The following BMP1 variants were observed in gnomAD, a reference collection of about 807,000 sequenced individuals.
The protein encoded by BMP1 is mammalian tolloid protein.
In BMP1, 63 loss-of-function variants were observed where a neutral mutation model predicts 116.8. That is an observed-to-expected ratio of 0.54 (90% CI 0.44 to 0.67). The LOEUF (loss-of-function observed/expected upper bound fraction) is 0.67. Ranked by LOEUF, BMP1 falls within the 30% of genes least tolerant of loss-of-function variation. The pLI is 0.00. For synonymous variants in BMP1, 536 were observed against 533.4 expected, an observed-to-expected ratio of 1.00 and a Z score of -0.07; for missense variants, 1,183 against 1,358.9, an observed-to-expected ratio of 0.87 and a Z score of 2.04.
Position 22,179,216 on chromosome 8 carries a change from G to A in BMP1, c.837-489G>A, listed in dbSNP as rs1828542001. Among the ~76,000 whole-genome samples the A allele has an allele frequency of 6.6e-6, 1 of 152,272 alleles. No homozygotes were observed. Among genetic ancestry groups the A allele is most frequent in the Admixed American group, 6.5e-5 (1 of 15,292 alleles). On this transcript the variant is annotated intron_variant, in intron 6 of 19. Coordinates refer to ENST00000306385, the MANE Select transcript of BMP1 (RefSeq NM_006129.5). This position sits in a 1 kb window ranked among gnomAD's most constrained non-coding sequence, Gnocchi z 4.6. Reference sequence around the variant, plus strand: ...GCTTGGTCTGGCTGCAGTGGAATCTGCCTTTGGCCTTGTTCCAGGTGCTTT... The same window carrying A: ...GCTTGGTCTGGCTGCAGTGGAATCTACCTTTGGCCTTGTTCCAGGTGCTTT...
At chr8:22,168,658 G>A (rs1478515050) in intron 1 of BMP1, among the ~76,000 whole-genome samples, 2 of 152,192 alleles carry the variant, frequency 1.3e-5, no homozygotes, top group African/African-American at 4.8e-5. Flanking sequence ...GAGAGCCATA[G>A]AGGATTAGGG....
intron 15 of BMP1, among the ~76,000 whole-genome samples, chr8:22,199,816 C>T (rs940580062): frequency 6.6e-6 from 1 of 152,112 alleles, no homozygotes; most frequent in African/African-American, 2.4e-5. Context: ...TCGATCAGGC[C>T]CCCTCTGATG....
Position 22,209,462 on chromosome 8 carries a change from C to T in BMP1, c.2593C>T (p.Arg865Trp), listed in dbSNP as rs749954119. ...SHATECGGQV[R>W]ADVKTKDLYS... ...CCCTACAGAGTGCGGGGGCCAGGTA[C>T]GGGCAGACGTGAAGACCAAGGACCT... Residue 865 changes from arginine (R) to tryptophan (W), a missense_variant, in exon 19 of 20, where the codon CGG becomes TGG. This residue lies in a region of BMP1 where 956 missense variants were observed against 1,135.2 expected (regional missense o/e 0.84). Coordinates refer to ENST00000306385, the MANE Select transcript of BMP1 (RefSeq NM_006129.5). 182 of 1,614,008 alleles carry T rather than the reference C, an allele frequency of 1.1e-4. 1 individual carries two copies. Among genetic ancestry groups the T allele is most frequent in the Middle Eastern group, 8.2e-4 (5 of 6,082 alleles).
chr8:22,172,261 C>G (rs1586435185), intron 1 of BMP1, among the ~76,000 whole-genome samples: 1 of 152,198 alleles, frequency 6.6e-6, no homozygotes, highest in South Asian at 2.1e-4. Context: ...CCCACTTCCC[C>G]CAGCCCAGCC....
Position 22,176,236 on chromosome 8 carries a change from G to T in BMP1, c.356G>T (p.Arg119Leu), listed in dbSNP as rs972285384. 6.2e-7 allele frequency: 1 copy of T among 1,613,904 alleles called. No homozygotes were observed. The highest frequency in any genetic ancestry group is 8.5e-7 in the Non-Finnish European group (1 of 1,179,932). ...CGRWRGRSRSRRAATSRPERV... is the reference protein window; with the variant it reads ...CGRWRGRSRSLRAATSRPERV... ...AGATGGAGAGGTAGATCCCGTAGCC[G>T]GCGGGCGGCGACGTCCCGACCAGAG... The change falls in exon 3 of 20, where the codon CGG (arginine) becomes CTG (leucine). Residue 119 changes from arginine (R) to leucine (L), a missense_variant. Arg to Leu is a moderately radical substitution (Grantham distance 102). Around this residue, in one of 4 missense-constraint regions of BMP1, gnomAD observed 185 missense variants for 158.9 expected, o/e 1.16. Transcript: ENST00000306385.
chr8:22,195,002 T>C (rs536347380), intron 12 of BMP1, 83 bp downstream of exon 12: 2 of 1,411,676 alleles, frequency 1.4e-6, no homozygotes, highest in South Asian at 2.7e-5. Flanking sequence ...ACACGGAGAC[T>C]CCAGGAGGCA....
At chr8:22,166,431 AGCCCAGAAGGGTCCT>A (rs1265687747) in intron 1 of BMP1, among the ~76,000 whole-genome samples, 1 of 152,110 alleles carries the variant, frequency 6.6e-6, no homozygotes, top group Non-Finnish European at 1.5e-5. Context: ...ACTCCTGCTG[AGCCCAGAAGGGTCCT>A]GCCCCTGGAG....
intron 19 of BMP1, 121 bp from the exon 20 acceptor site, chr8:22,211,473 C>T (rs531223654): frequency 1.8e-5 from 25 of 1,374,196 alleles, no homozygotes; most frequent in African/African-American, 5.7e-5. Context: ...CTTCAAGGGG[C>T]GGGGAGAATC....
chr8:22,170,959 C>G (rs143401381), intron 1 of BMP1: 38 of 152,292 alleles, frequency 2.5e-4, no homozygotes, highest in African/African-American at 9.1e-4. Context: ...TAACACAAGC[C>G]TAAGTGTGGA....
chr8:22,197,490 C>T (rs1341993618), intron 15 of BMP1, 70 bp downstream of exon 15: 17 of 1,523,990 alleles, frequency 1.1e-5, no homozygotes, highest in Non-Finnish European at 4.5e-6. Context: ...CTCCCTGCCC[C>T]TGCACCCCTG....
intron 1 of BMP1, among the ~76,000 whole-genome samples, chr8:22,166,834 T>C (rs1023920356): frequency 3.9e-5 from 6 of 152,206 alleles, no homozygotes; most frequent in Non-Finnish European, 8.8e-5. Flanking sequence ...GCTGTCATTT[T>C]TCTCGCTGGG....
chr8:22,203,268 A>G (rs34561718), intron 16 of BMP1, among the ~76,000 whole-genome samples: 18,640 of 152,092 alleles, frequency 0.12, 1,535 homozygotes, highest in African/African-American at 0.21. Flanking sequence ...ACGATAAAAA[A>G]TGATAGGCCA....
intron 16 of BMP1, among the ~76,000 whole-genome samples, chr8:22,203,924 A>AG (rs997273606): frequency 3.9e-5 from 6 of 152,358 alleles, no homozygotes; most frequent in African/African-American, 1.4e-4. Context: ...TAGCCAGGAC[A>AG]GGGGTGAAGC....
chr8:22,198,000 C>T (rs1404186298), intron 15 of BMP1, among the ~76,000 whole-genome samples: 1 of 152,022 alleles, frequency 6.6e-6, no homozygotes, highest in Non-Finnish European at 1.5e-5. Flanking sequence ...GCCTAGACAA[C>T]ATAGCGAGAC....
At chr8:22,192,540 C>T (rs1828965214) in intron 9 of BMP1, among the ~76,000 whole-genome samples, 1 of 152,170 alleles carries the variant, frequency 6.6e-6, no homozygotes, top group Admixed American at 6.6e-5. Flanking sequence ...TTTCTATCTG[C>T]CCTTCTGGTT....
At chr8:22,180,578 C>T (rs745803887) in intron 8 of BMP1, 95 bp downstream of exon 8, 587 of 1,125,460 alleles carry the variant, frequency 5.2e-4, no homozygotes, top group Non-Finnish European at 7.2e-4. Flanking sequence ...TGGGTGCCAG[C>T]GACCTACCTG....
At chr8:22,204,955 G>A (rs184733037) in intron 16 of BMP1, among the ~76,000 whole-genome samples, 2 of 152,324 alleles carry the variant, frequency 1.3e-5, no homozygotes, top group East Asian at 3.9e-4. Flanking sequence ...CTGAGTGAGA[G>A]CGTGAGGCTG....
chr8:22,195,189 C>T (rs1289295719), intron 12 of BMP1, among the ~76,000 whole-genome samples: 1 of 152,180 alleles, frequency 6.6e-6, no homozygotes, highest in Admixed American at 6.5e-5. Context: ...CTCCCTGAAC[C>T]TCAGTTTCTC....
Position 22,212,072 on chromosome 8 carries a change from T to C in BMP1, c.*344T>C. On this transcript the variant is annotated 3_prime_UTR_variant, in exon 20 of 20. Coordinates refer to ENST00000306385, the MANE Select transcript of BMP1 (RefSeq NM_006129.5). ...CTGTGTCTCTACACGCTGTATTGTGTATCACCGGGGGCATTATTTTCATTG... is the reference window on the plus strand; with the variant it reads ...CTGTGTCTCTACACGCTGTATTGTGCATCACCGGGGGCATTATTTTCATTG... The C allele has an allele frequency of 3.4e-6, 1 of 290,910 alleles. No homozygotes were observed. Among genetic ancestry groups the C allele is most frequent in the Non-Finnish European group, 6.6e-6 (1 of 150,842 alleles). 18.0% of individuals were successfully genotyped at this position (290,910 alleles called of 1,614,324 possible). A position where few individuals can be genotyped will look rare whatever the true frequency, so the allele number is the denominator to read the frequency against.
Sources: allele counts gnomAD v4.1 joint callset (sites outside exome capture counted in the v4.1 genomes callset), GRCh38; gene constraint gnomAD v4.1.1; regional missense constraint gnomAD v4.1.1; non-coding constraint Gnocchi (gnomAD v3.1); transcripts MANE v1.5; gene names NCBI Gene and HGNC (gene_info 2026-07-23, HGNC 2026-07-21).